Variants in PRAMEF20 observed in about 807,000 individuals in gnomAD.
The protein encoded by PRAMEF20 is PRAME family member 20.
In PRAMEF20, 27 loss-of-function variants were observed where a neutral mutation model predicts 32.4. That is an observed-to-expected ratio of 0.83 (90% CI 0.61 to 1.15). The LOEUF is 1.15. PRAMEF20 is among the 50% of genes most tolerant of loss of function. The pLI, the probability that PRAMEF20 is intolerant of heterozygous loss-of-function variation, is 0.00. For synonymous variants in PRAMEF20, 256 were observed against 235.4 expected, an observed-to-expected ratio of 1.09 and a Z score of -0.80; for missense variants, 604 against 584.5, an observed-to-expected ratio of 1.03 and a Z score of -0.34.
chr1:13,416,436 C>T, exon 1 of PRAMEF20: 1 of 1,614,080 alleles, frequency 6.2e-7, no homozygotes, highest in Non-Finnish European at 8.5e-7. Context: ...CATCTCCACC[C>T]TGGAGGAGCT....
upstream of PRAMEF20, among the ~76,000 whole-genome samples, chr1:13,411,654 TG>T (rs1451031316): frequency 2.6e-5 from 4 of 152,294 alleles, no homozygotes; most frequent in African/African-American, 9.6e-5. Context: ...CCAGAGGCTT[TG>T]TTTGGGATGC....
rs1307705257 is a variant in PRAMEF20, at chr1:13,418,097, C to T, written c.288-25C>T. The T allele has an allele frequency of 4.3e-6, 7 of 1,611,764 alleles. No homozygotes were observed. In the East Asian group the frequency reaches 1.6e-4, roughly 36 times the overall value. On this transcript the variant is annotated intron_variant, in intron 1 of 2. Coordinates refer to ENST00000602960, the Ensembl canonical transcript of PRAMEF20. Reference sequence around the variant, plus strand: ...CCTCAGAAGTGAGTCCTTAAATTCTCAGCCTCTCTTCTATTTTTCCTCAGG... The same window carrying T: ...CCTCAGAAGTGAGTCCTTAAATTCTTAGCCTCTCTTCTATTTTTCCTCAGG...
At chr1:13,413,248 A>G (rs781649782), upstream of PRAMEF20, among the ~76,000 whole-genome samples, 16,499 of 152,220 alleles carry the variant, frequency 0.11, 965 homozygotes, top group Middle Eastern at 0.14. Context: ...TAAATCTTTC[A>G]CTTTCATGGA....
At chr1:13,414,228 T>C (rs770366981), upstream of PRAMEF20, among the ~76,000 whole-genome samples, 34,108 of 147,330 alleles carry the variant, frequency 0.23, 4,145 homozygotes, top group African/African-American at 0.29. Flanking sequence ...TTTTTTTTTT[T>C]TTTTGTATTT....
exon 3 of PRAMEF20, chr1:13,421,291 C>G: frequency 6.2e-7 from 1 of 1,613,608 alleles, no homozygotes; most frequent in South Asian, 1.1e-5. Context: ...ATATCAAACT[C>G]TTTTTTCTGA....
At position 13,416,555 on chromosome 1, in the gene PRAMEF20, GTC is replaced by G. The variant is rs1641175832; in HGVS notation, c.205_206del (p.Leu69AspfsTer17). 6.2e-7 allele frequency: 1 copy of G among 1,614,022 alleles called. No individual in the cohort carries two copies. Among genetic ancestry groups the G allele is most frequent in the Admixed American group, 1.7e-5 (1 of 59,984 alleles). The stretch of plus-strand genomic sequence containing the variant: ...GGCCTTTCCTCCGCCTTCCTCTGGG[GTC>G]TCTGATGAAAAGGCCTTGCCCAGAG... On this transcript the variant is annotated frameshift_variant, in exon 1 of 3. Coordinates refer to ENST00000602960, the Ensembl canonical transcript of PRAMEF20. LOFTEE classifies it high-confidence loss of function.
At chr1:13,420,216 TTC>T (rs1641227864) in intron 2 of PRAMEF20, among the ~76,000 whole-genome samples, 1 of 152,120 alleles carries the variant, frequency 6.6e-6, no homozygotes, top group South Asian at 2.1e-4. Context: ...GGTTTTTTAT[TTC>T]TCTTTCTTTT....
upstream of PRAMEF20, among the ~76,000 whole-genome samples, chr1:13,413,505 C>T (rs1223893680): frequency 2.0e-5 from 3 of 152,082 alleles, no homozygotes; most frequent in African/African-American, 4.8e-5. Context: ...GCTGGGACTA[C>T]AGGCACACAC....
At chr1:13,411,859 G>A (rs960195466), upstream of PRAMEF20, among the ~76,000 whole-genome samples, 13 of 151,934 alleles carry the variant, frequency 8.6e-5, no homozygotes, top group Admixed American at 3.3e-4. Flanking sequence ...AAGACTTTCC[G>A]AGTTGCATGA....
upstream of PRAMEF20, among the ~76,000 whole-genome samples, chr1:13,415,391 C>A (rs892711995): frequency 2.6e-5 from 4 of 152,038 alleles, no homozygotes; most frequent in Admixed American, 1.3e-4. Flanking sequence ...CAAAGTGGTT[C>A]ATTTTTAATA....
upstream of PRAMEF20, among the ~76,000 whole-genome samples, chr1:13,414,099 T>C (rs1447816913): frequency 6.6e-6 from 1 of 152,102 alleles, no homozygotes; most frequent in Admixed American, 6.6e-5. Flanking sequence ...TGGAGTGCAG[T>C]GGCATGATCT....
At chr1:13,414,985 A>G (rs1220091857), upstream of PRAMEF20, among the ~76,000 whole-genome samples, 2 of 150,946 alleles carry the variant, frequency 1.3e-5, no homozygotes, top group Admixed American at 1.3e-4. Flanking sequence ...TTTTTAGTAG[A>G]GATGAGGTTT....
chr1:13,418,605 C>CCAGTTCACCACT (rs1641209098), exon 2 of PRAMEF20: 1 of 1,613,806 alleles, frequency 6.2e-7, no homozygotes, highest in African/African-American at 1.3e-5. Context: ...AGTTTGTTAC[C>CCAGTTCACCACT]CAGTTCACCA....
At chr1:13,421,254 G>A (rs988344997) in exon 3 of PRAMEF20, 1 of 1,613,846 alleles carries the variant, frequency 6.2e-7, no homozygotes, top group Non-Finnish European at 8.5e-7. Flanking sequence ...CGGTGTTGCT[G>A]TTGAATGCCT....
chr1:13,418,418 T>G (rs1641206688), exon 2 of PRAMEF20: 1 of 1,613,740 alleles, frequency 6.2e-7, no homozygotes, highest in East Asian at 2.2e-5. Context: ...TTCCACAATA[T>G]CAGAAACATC....
chr1:13,418,802 G>A (rs1361760309), intron 2 of PRAMEF20, 102 bp downstream of exon 3: 2 of 1,582,132 alleles, frequency 1.3e-6, no homozygotes, highest in East Asian at 2.2e-5. Flanking sequence ...AACAGTAAAG[G>A]GGACACTAGA....
chr1:13,418,021 G>T (rs987773404), intron 1 of PRAMEF20, 101 bp from the exon 3 acceptor site: 17 of 1,588,732 alleles, frequency 1.1e-5, no homozygotes, highest in Non-Finnish European at 1.3e-5. Flanking sequence ...TGATCCGCCC[G>T]CCTTGGCCTC....
In PRAMEF20 at chr1:13,418,412, A is replaced by G. The variant is rs1054713600; in HGVS notation, c.578A>G (p.His193Arg). The change falls in exon 2 of 3, where the codon CAC (histidine) becomes CGC (arginine). Residue 193 changes from histidine (H) to arginine (R), a missense_variant. Transcript: ENST00000602960. ...CTGAAAATGTTGGGAATGCTCTTCC[A>G]CAATATCAGAAACATCCTGAAAACA... The G allele has an allele frequency of 1.6e-5, 26 of 1,613,800 alleles. No homozygotes were observed. The South Asian group carries it at 1.8e-4, about 11-fold the overall frequency.
At chr1:13,411,905 A>G (rs1641117794), upstream of PRAMEF20, among the ~76,000 whole-genome samples, 2 of 151,884 alleles carry the variant, frequency 1.3e-5, no homozygotes, top group African/African-American at 4.8e-5. Context: ...CCCAGTGGTA[A>G]TTTTTGCCCA....
Sources: gnomAD v4.1 joint callset for allele counts (sites outside exome capture counted in the v4.1 genomes callset) on GRCh38, gnomAD v4.1.1 for gene constraint, MANE v1.5 for transcripts, NCBI Gene and HGNC (gene_info 2026-07-23, HGNC 2026-07-21) for gene names.